The following GATA4 variants were observed in gnomAD, a reference collection of about 807,000 sequenced individuals.
The protein encoded by GATA4 is transcription factor GATA-4.
GATA4 carries 7 observed loss-of-function variants against 37.9 expected under a neutral mutation model. The ratio of observed to expected loss-of-function variants is 0.18; its 90% CI spans 0.11 to 0.35. The LOEUF is 0.35. GATA4 is among the 10% of genes least tolerant of loss of function. GATA4 has a pLI of 1.00. For synonymous variants in GATA4, 372 were observed against 292.6 expected (o/e 1.27, Z -2.77); for missense variants, 647 against 653.0 (o/e 0.99, Z 0.10).
At chr8:11,682,564 T>C (rs975078598) in intron 1 of GATA4, among the ~76,000 whole-genome samples, 1 of 151,840 alleles carries the variant, frequency 6.6e-6, no homozygotes, top group Non-Finnish European at 1.5e-5. Context: ...TTGTAAGAAG[T>C]TTTTTTCCCT....
chr8:11,708,410 C>A lies in GATA4; in HGVS notation c.98C>A (p.Ala33Glu). The change falls in exon 2 of 7, where the codon GCG becomes GAG. Residue 33 changes from alanine to glutamate, a missense_variant. Physicochemically the swap from Ala to Glu is moderately radical, Grantham distance 107. Coordinates refer to ENST00000532059, the MANE Select transcript of GATA4 (RefSeq NM_001308093.3). This position sits in a 1 kb window ranked among gnomAD's most constrained non-coding sequence, Gnocchi z 6.7. ...PGAFMHGAGA[A>E]SSPVYVPTPR... ...GCCTTCATGCACGGCGCGGGCGCCG[C>A]GTCCTCGCCAGTCTACGTGCCCACA... The A allele has an allele frequency of 1.9e-6, 3 of 1,538,932 alleles. No individual in the cohort carries two copies. Among genetic ancestry groups the A allele is most frequent in the Non-Finnish European group, 1.7e-6 (2 of 1,148,842 alleles).
intron 2 of GATA4, among the ~76,000 whole-genome samples, chr8:11,745,884 G>A (rs754525479): frequency 5.3e-5 from 8 of 152,206 alleles, no homozygotes; most frequent in Non-Finnish European, 1.2e-4. Flanking sequence ...TGGAGGTACA[G>A]GTAAGACAAG....
chr8:11,741,054 G>A (rs1306633352), intron 2 of GATA4, among the ~76,000 whole-genome samples: 1 of 152,020 alleles, frequency 6.6e-6, no homozygotes, highest in Non-Finnish European at 1.5e-5. Context: ...TTTTAAAATG[G>A]TATCCCAGCC....
chr8:11,721,426 A>G (rs1267022985), intron 2 of GATA4, among the ~76,000 whole-genome samples: 1 of 150,966 alleles, frequency 6.6e-6, no homozygotes, highest in African/African-American at 2.4e-5. Context: ...CACTTCAGAT[A>G]TAGCGCTTTG....
chr8:11,756,115 A>G (rs1802555612), intron 5 of GATA4, among the ~76,000 whole-genome samples: 1 of 152,152 alleles, frequency 6.6e-6, no homozygotes, highest in Non-Finnish European at 1.5e-5. Context: ...CTACCCAGTT[A>G]AAGATTTGAC....
upstream of GATA4, among the ~76,000 whole-genome samples, chr8:11,689,208 C>G (rs1799237139): frequency 6.6e-6 from 1 of 152,128 alleles, no homozygotes; most frequent in Non-Finnish European, 1.5e-5. Flanking sequence ...TATTTCTGGG[C>G]CCTGCATCTG....
rs1420423659 is a variant in GATA4, at chr8:11,693,560, CACAGAGAGAGAG to C, written c.-729+902_-729+913del. On this transcript the variant is annotated intron_variant, in intron 1 of 2. Transcript: ENST00000526974. ...ACACACACACACACACACACACACA[CACAGAGAGAGAG>C]AGAGAGAGAGAGAGAGAGAGAGACA... Among the ~76,000 whole-genome samples the C allele has an allele frequency of 1.3e-3, 93 of 68,910 alleles. No homozygotes were observed. The South Asian group carries it at 0.021, about 16-fold the overall frequency. The allele number at this position is 68,910 out of a possible 152,430, so 45.2% of individuals were successfully genotyped here.
chr8:11,728,966 C>T (rs548271318), intron 2 of GATA4, among the ~76,000 whole-genome samples: 1 of 152,256 alleles, frequency 6.6e-6, no homozygotes, highest in South Asian at 2.1e-4. Context: ...GGCGTGGTGG[C>T]TCACGCCTGT....
intron 2 of GATA4, among the ~76,000 whole-genome samples, chr8:11,726,459 G>A (rs973835883): frequency 2.0e-5 from 3 of 152,232 alleles, no homozygotes; most frequent in East Asian, 3.8e-4. Flanking sequence ...CAACACCGGG[G>A]ACCTCTTGGG....
At position 11,681,832 on chromosome 8, in the gene GATA4, G is replaced by T. The variant is rs1264261995; in HGVS notation, c.-274+4769G>T. 2.6e-5 allele frequency among the ~76,000 whole-genome samples: 4 copies of T among 152,100 alleles called. No individual in the cohort carries two copies. The East Asian group carries it at 7.7e-4, about 29-fold the overall frequency. On this transcript the variant is annotated intron_variant, in intron 1 of 6. Coordinates refer to the GATA4 transcript ENST00000528712. The stretch of plus-strand genomic sequence containing the variant: ...TTCCCGCTGTTCTTGGCCGTGGGCA[G>T]ACCCGGCTGATGTAAGGACTGCAGC...
At chr8:11,706,846 G>C (rs749517359) in intron 1 of GATA4, among the ~76,000 whole-genome samples, 1 of 152,192 alleles carries the variant, frequency 6.6e-6, no homozygotes. Context: ...AATGAGGAGA[G>C]ACACCTGTAC....
At chr8:11,688,439 A>G (rs1799208059), upstream of GATA4, among the ~76,000 whole-genome samples, 1 of 152,236 alleles carries the variant, frequency 6.6e-6, no homozygotes, top group Non-Finnish European at 1.5e-5. Context: ...TAGAATTACT[A>G]AAGGATATTC....
chr8:11,689,920 CAG>C, upstream of GATA4, among the ~76,000 whole-genome samples: 1 of 152,318 alleles, frequency 6.6e-6, no homozygotes, highest in African/African-American at 2.4e-5. Flanking sequence ...AAATGGATAA[CAG>C]AATATAACCA....
chr8:11,683,328 C>G (rs953189843), intron 1 of GATA4, among the ~76,000 whole-genome samples: 2 of 152,226 alleles, frequency 1.3e-5, no homozygotes, highest in East Asian at 3.8e-4. Context: ...TGTGCTAAAT[C>G]AAAACTCACC....
chr8:11,701,098 C>A (rs954163569), upstream of GATA4, among the ~76,000 whole-genome samples: 2 of 152,176 alleles, frequency 1.3e-5, no homozygotes, highest in Non-Finnish European at 2.9e-5. Context: ...TGGACCAGCT[C>A]AAGTCCCAAG....
rs568879690 is a variant in GATA4, at chr8:11,708,654, C to T, written c.342C>T (p.Thr114=). 2 of 1,313,460 alleles carry T rather than the reference C, an allele frequency of 1.5e-6. No individual in the cohort carries two copies. Among genetic ancestry groups the T allele is most frequent in the Non-Finnish European group, 9.7e-7 (1 of 1,033,060 alleles). The allele number at this position is 1,313,460 out of a possible 1,614,324, so 81.4% of individuals were successfully genotyped here. The change falls in exon 2 of 7, where the codon ACC becomes ACT. Residue 114 remains threonine, a synonymous_variant. Transcript: ENST00000532059. This position sits in a 1 kb window ranked among gnomAD's most constrained non-coding sequence, Gnocchi z 6.7. ...VSPRFSFPGT[T]GSLAAAAAAA... is the part of the protein sequence containing the mutation. ...CGCGCTTCTCCTTCCCGGGGACCAC[C>T]GGGTCCCTGGCGGCCGCCGCCGCCG... is the stretch of plus-strand genomic sequence containing the variant.
In GATA4 at chr8:11,751,075, A is replaced by T. The variant is rs181890013; in HGVS notation, c.912+839A>T. Reference sequence around the variant, plus strand: ...GGGAGAACTTCTTAAACAAGATTTTAAAACTTTTTAGCCATATAAGAATAG... The same window carrying T: ...GGGAGAACTTCTTAAACAAGATTTTTAAACTTTTTAGCCATATAAGAATAG... On this transcript the variant is annotated intron_variant, in intron 4 of 6. Coordinates refer to ENST00000532059, the MANE Select transcript of GATA4 (RefSeq NM_001308093.3). Among the ~76,000 whole-genome samples, 390 of 152,328 alleles carry T rather than the reference A, an allele frequency of 2.6e-3. 2 individuals carry two copies. Among genetic ancestry groups the T allele is most frequent in the African/African-American group, 8.8e-3 (364 of 41,572 alleles).
Position 11,709,576 on chromosome 8 carries a change from G to GGGGGGGGGA in GATA4, c.616+656_616+657insAGGGGGGGG, listed in dbSNP as rs1554488893. Among the ~76,000 whole-genome samples, 445 of 41,698 alleles carry GGGGGGGGGA rather than the reference G, an allele frequency of 0.011. 12 individuals carry two copies. Among genetic ancestry groups the GGGGGGGGGA allele is most frequent in the African/African-American group, 0.017 (423 of 24,948 alleles). The allele number at this position is 41,698 out of a possible 152,430, so 27.4% of individuals were successfully genotyped here. A position where few individuals can be genotyped will look rare whatever the true frequency, so the allele number is the denominator to read the frequency against. ...CGCGTGGGCGCATCATGCGGGCAGC[G>GGGGGGGGGA]GGGGGGGGGGCGCACACGCCCGGTC... On this transcript the variant is annotated intron_variant, in intron 2 of 6. Coordinates refer to ENST00000532059, the MANE Select transcript of GATA4 (RefSeq NM_001308093.3). This position sits in a 1 kb window ranked among gnomAD's most constrained non-coding sequence, Gnocchi z 4.3.
chr8:11,743,272 A>G (rs1262384985), intron 2 of GATA4, among the ~76,000 whole-genome samples: 1 of 152,248 alleles, frequency 6.6e-6, no homozygotes, highest in Non-Finnish European at 1.5e-5. Flanking sequence ...TTTTGCCAAC[A>G]TGTTCGTTAC....
Sources: allele counts gnomAD v4.1 joint callset (sites outside exome capture counted in the v4.1 genomes callset), GRCh38; gene constraint gnomAD v4.1.1; non-coding constraint Gnocchi (gnomAD v3.1); transcripts MANE v1.5; gene names NCBI Gene and HGNC (gene_info 2026-07-23, HGNC 2026-07-21).